ACOXL: variants seen among roughly 807,000 people sequenced by gnomAD.
ACOXL encodes the protein acyl-coenzyme A oxidase-like protein.
ACOXL carries 70 observed loss-of-function variants against 71.9 expected under a neutral mutation model. That is an observed-to-expected ratio of 0.97 (90% CI 0.80 to 1.19). ACOXL has a LOEUF of 1.19. ACOXL is among the 50% of genes most tolerant of loss of function. The pLI is 0.00. For missense variants in ACOXL, 703 were observed against 736.3 expected (o/e 0.95, Z 0.52); for synonymous variants, 253 against 281.6 (o/e 0.90, Z 1.02).
At chr2:110,877,933 T>C (rs904239302) in intron 10 of ACOXL, among the ~76,000 whole-genome samples, 22 of 152,230 alleles carry the variant, frequency 1.4e-4, no homozygotes, top group African/African-American at 4.3e-4. Context: ...GAGCAGGTGC[T>C]TTGTACCCTG....
intron 12 of ACOXL, among the ~76,000 whole-genome samples, chr2:110,964,824 C>CA (rs2061856925): frequency 6.6e-6 from 1 of 152,168 alleles, no homozygotes; most frequent in Non-Finnish European, 1.5e-5. Flanking sequence ...GTGTTGGGAA[C>CA]ATTTCAAGTC....
At chr2:111,030,788 A>C (rs1363878906) in intron 14 of ACOXL, among the ~76,000 whole-genome samples, 3 of 152,158 alleles carry the variant, frequency 2.0e-5, no homozygotes, top group Admixed American at 6.5e-5. Flanking sequence ...CGAAACAAAG[A>C]AAGTCAAGAA....
chr2:111,081,247 G>A (rs1300880009), intron 16 of ACOXL, among the ~76,000 whole-genome samples: 1 of 152,170 alleles, frequency 6.6e-6, no homozygotes, highest in African/African-American at 2.4e-5. Flanking sequence ...GTTTGCAGAT[G>A]ACATGATTGT....
At chr2:110,795,479 CT>C (rs1685179883) in intron 5 of ACOXL, 1 of 152,278 alleles carries the variant, frequency 6.6e-6, no homozygotes, top group Non-Finnish European at 1.5e-5. Flanking sequence ...TAAACTGGTC[CT>C]TTTAACTAAG....
At chr2:110,853,967 A>G (rs1211318572) in intron 10 of ACOXL, among the ~76,000 whole-genome samples, 1 of 151,086 alleles carries the variant, frequency 6.6e-6, no homozygotes, top group Non-Finnish European at 1.5e-5. Flanking sequence ...TTCATTCAAC[A>G]GATACTTACT....
At chr2:110,943,446 C>T (rs2060972464) in intron 12 of ACOXL, among the ~76,000 whole-genome samples, 1 of 152,078 alleles carries the variant, frequency 6.6e-6, no homozygotes, top group Non-Finnish European at 1.5e-5. Flanking sequence ...TTATCTGACC[C>T]TAGAGCCCAC....
chr2:110,997,500 C>T (rs2063450257), intron 14 of ACOXL, among the ~76,000 whole-genome samples: 2 of 152,268 alleles, frequency 1.3e-5, no homozygotes, highest in East Asian at 1.9e-4. Context: ...AATAAGTACT[C>T]CTCTAAAGAG....
At chr2:111,025,988 AT>A (rs2065002025) in intron 14 of ACOXL, among the ~76,000 whole-genome samples, 1 of 152,094 alleles carries the variant, frequency 6.6e-6, no homozygotes, top group Non-Finnish European at 1.5e-5. Flanking sequence ...TGGATGTTCA[AT>A]TGTTTTAGTG....
intron 16 of ACOXL, among the ~76,000 whole-genome samples, chr2:111,084,837 A>T (rs749585245): frequency 6.6e-6 from 1 of 151,758 alleles, no homozygotes; most frequent in Non-Finnish European, 1.5e-5. Context: ...CTCACATGCA[A>T]TGACACCCAT....
At chr2:110,860,215 A>G (rs778874249) in intron 10 of ACOXL, among the ~76,000 whole-genome samples, 1 of 152,086 alleles carries the variant, frequency 6.6e-6, no homozygotes, top group Non-Finnish European at 1.5e-5. Context: ...GGATCAAGCA[A>G]TTCTCCTGCC....
At chr2:111,013,522 CAAAAAAAA>C (rs56905916) in intron 14 of ACOXL, among the ~76,000 whole-genome samples, 2 of 95,522 alleles carry the variant, frequency 2.1e-5, no homozygotes, top group Admixed American at 2.3e-4. Context: ...GACCCTGTCT[CAAAAAAAA>C]AAAAAAAAAA....
chr2:111,063,648 C>T (rs770029006), intron 16 of ACOXL, among the ~76,000 whole-genome samples: 2 of 152,072 alleles, frequency 1.3e-5, no homozygotes, highest in Non-Finnish European at 2.9e-5. Context: ...AGAGTATCTA[C>T]AAAATTCCTA....
At chr2:111,030,907 C>T (rs1399186576) in intron 14 of ACOXL, among the ~76,000 whole-genome samples, 2 of 152,108 alleles carry the variant, frequency 1.3e-5, no homozygotes, top group South Asian at 2.1e-4. Flanking sequence ...TTTTGTGATT[C>T]GGTATCTTTC....
intron 14 of ACOXL, among the ~76,000 whole-genome samples, chr2:111,018,480 C>T (rs944610842): frequency 2.6e-5 from 4 of 152,122 alleles, no homozygotes; most frequent in Admixed American, 6.5e-5. Flanking sequence ...GAGAGGCTGA[C>T]GGACAGGGTG....
At chr2:111,040,502 G>A (rs951442867) in intron 15 of ACOXL, among the ~76,000 whole-genome samples, 1 of 152,146 alleles carries the variant, frequency 6.6e-6, no homozygotes, top group African/African-American at 2.4e-5. Flanking sequence ...GCCAAGGACT[G>A]TGTTACACTC....
chr2:110,801,602 G>C, intron 7 of ACOXL, 50 bp from the exon 8 acceptor site: 1 of 1,535,052 alleles, frequency 6.5e-7, no homozygotes, highest in Non-Finnish European at 9.0e-7. Flanking sequence ...GGAAGTAGCA[G>C]GGAAAATACT....
intron 15 of ACOXL, among the ~76,000 whole-genome samples, chr2:111,042,010 A>G (rs1435884299): frequency 6.6e-6 from 1 of 152,230 alleles, no homozygotes; most frequent in East Asian, 1.9e-4. Context: ...TGAGCCCAGA[A>G]CACGGCAGGC....
intron 1 of ACOXL, among the ~76,000 whole-genome samples, chr2:110,740,741 G>A (rs914825092): frequency 1.3e-5 from 2 of 152,214 alleles, no homozygotes; most frequent in African/African-American, 4.8e-5. Context: ...CCTGGGACAG[G>A]ATCCCTGTCA....
At position 111,049,219 on chromosome 2, in the gene ACOXL, T is replaced by TA; in HGVS notation, c.1372dup (p.Thr458AsnfsTer14). 6.2e-7 allele frequency: 1 copy of TA among 1,609,400 alleles called. No individual in the cohort carries two copies. Among genetic ancestry groups the TA allele is most frequent in the Non-Finnish European group, 8.5e-7 (1 of 1,175,794 alleles). ...CAATTTCCATTTCTTCCCTTCCAGT[T>TA]ACCTTAGAGCAGTTCTCCCTAGCAG... On this transcript the variant is annotated frameshift_variant and splice_region_variant, in exon 16 of 18. Transcript: ENST00000439055. LOFTEE classifies it high-confidence loss of function.
Sources: allele counts gnomAD v4.1 joint callset (sites outside exome capture counted in the v4.1 genomes callset), GRCh38; gene constraint gnomAD v4.1.1; transcripts MANE v1.5; gene names NCBI Gene and HGNC (gene_info 2026-07-23, HGNC 2026-07-21).